Variants in ZNRF2 observed in about 807,000 individuals in gnomAD.
ZNRF2 encodes the protein E3 ubiquitin-protein ligase ZNRF2.
A neutral mutation model predicts 20.4 loss-of-function variants in ZNRF2; 16 were observed. The observed-to-expected ratio is 0.79, with a 90% CI of 0.53 to 1.19. ZNRF2 has a LOEUF of 1.19. Ranked by LOEUF, ZNRF2 falls within the 50% of genes most tolerant of loss-of-function variation. The pLI is 0.00. For missense variants in ZNRF2, 363 were observed against 332.4 expected (o/e 1.09, Z -0.72); for synonymous variants, 178 against 144.9 (o/e 1.23, Z -1.64).
chr7:30,305,547 C>T (rs972134747), intron 1 of ZNRF2, among the ~76,000 whole-genome samples: 1 of 151,902 alleles, frequency 6.6e-6, no homozygotes, highest in African/African-American at 2.4e-5. Context: ...AACAAATAAC[C>T]ACCCAGAATT....
Position 30,355,737 on chromosome 7 carries a change from T to G in ZNRF2, c.575T>G (p.Leu192Arg). 1 of 1,612,410 alleles carries G rather than the reference T, an allele frequency of 6.2e-7. No homozygotes were observed. Among genetic ancestry groups the G allele is most frequent in the Non-Finnish European group, 8.5e-7 (1 of 1,178,788 alleles). The change falls in exon 3 of 5, where the codon CTG becomes CGG. Residue 192 changes from leucine (L) to arginine (R), a missense_variant. Coordinates refer to ENST00000323037, the MANE Select transcript of ZNRF2 (RefSeq NM_147128.4). ...TTTTCTCTTTCTTCAGAGGATGTAC[T>G]GAGTAAAGATGCTGGGGAATGTGCA... Reference protein sequence around the residue: ...KPRITYNEDVLSKDAGECAIC... With the variant: ...KPRITYNEDVRSKDAGECAIC...
chr7:30,328,868 A>G (rs1229937337), intron 2 of ZNRF2, among the ~76,000 whole-genome samples: 1 of 152,158 alleles, frequency 6.6e-6, no homozygotes, highest in Non-Finnish European at 1.5e-5. Flanking sequence ...GGTATTATCT[A>G]TTGCAGATGG....
In ZNRF2 at chr7:30,290,834, G is replaced by T. The variant is rs537387590; in HGVS notation, c.469+5008G>T. Reference sequence around the variant, plus strand: ...TTAAAAAGTTGTACTAATGCATATGGTTAAGTATAGCATTAATAAACATGA... The same window carrying T: ...TTAAAAAGTTGTACTAATGCATATGTTTAAGTATAGCATTAATAAACATGA... On this transcript the variant is annotated intron_variant, in intron 1 of 4. Coordinates refer to ENST00000323037, the MANE Select transcript of ZNRF2 (RefSeq NM_147128.4). Among the ~76,000 whole-genome samples the T allele has an allele frequency of 5.3e-5, 8 of 152,294 alleles. No individual in the cohort carries two copies. The East Asian group carries it at 1.5e-3, about 29-fold the overall frequency.
At chr7:30,305,429 G>A (rs1343714129) in intron 1 of ZNRF2, among the ~76,000 whole-genome samples, 1 of 151,962 alleles carries the variant, frequency 6.6e-6, no homozygotes, top group East Asian at 1.9e-4. Flanking sequence ...GGGAGATATG[G>A]CTTATTTTAT....
At chr7:30,297,071 C>T (rs1211777263) in intron 1 of ZNRF2, among the ~76,000 whole-genome samples, 1 of 152,160 alleles carries the variant, frequency 6.6e-6, no homozygotes, top group Non-Finnish European at 1.5e-5. Context: ...TCACACTTGG[C>T]TGCTTTTCTT....
intron 2 of ZNRF2, among the ~76,000 whole-genome samples, chr7:30,343,458 C>T (rs1799828342): frequency 6.6e-6 from 1 of 151,872 alleles, no homozygotes; most frequent in African/African-American, 2.4e-5. Context: ...TTAAGGTGTG[C>T]TACTACTCAT....
At chr7:30,344,542 T>A (rs1325723972) in intron 2 of ZNRF2, among the ~76,000 whole-genome samples, 1 of 152,164 alleles carries the variant, frequency 6.6e-6, no homozygotes, top group African/African-American at 2.4e-5. Flanking sequence ...TAATACTTTT[T>A]GACACCTAGT....
chr7:30,342,590 C>G (rs1430349651), intron 2 of ZNRF2, among the ~76,000 whole-genome samples: 1 of 152,112 alleles, frequency 6.6e-6, no homozygotes, highest in Non-Finnish European at 1.5e-5. Context: ...CAGAGAGATC[C>G]ATTGTTAGTC....
In ZNRF2 at chr7:30,285,570, C is replaced by T; in HGVS notation, c.213C>T (p.Ala71=). ...GCGGCGCCGCGGCGGCCGCGGCGGC[C>T]CCGGCAGCCCCGGCGGCCCCGCGCA... The part of the protein sequence containing the change: ...ASGGAAAAAA[A]PAAPAAPRSR... Residue 71 remains alanine, a synonymous_variant, in exon 1 of 5, where the codon GCC becomes GCT. Transcript: ENST00000323037. The T allele has an allele frequency of 1.0e-6, 1 of 984,372 alleles. No homozygotes were observed. Among genetic ancestry groups the T allele is most frequent in the African/African-American group, 1.8e-5 (1 of 55,976 alleles). The allele number at this position is 984,372 out of a possible 1,614,324, so 61.0% of individuals were successfully genotyped here.
chr7:30,325,564 A>G (rs1799539011), intron 2 of ZNRF2, among the ~76,000 whole-genome samples: 1 of 152,328 alleles, frequency 6.6e-6, no homozygotes, highest in Non-Finnish European at 1.5e-5. Flanking sequence ...TGGGAGGGGT[A>G]GAATTTAACA....
At chr7:30,327,611 T>A (rs1397005487) in intron 2 of ZNRF2, among the ~76,000 whole-genome samples, 1 of 152,060 alleles carries the variant, frequency 6.6e-6, no homozygotes, top group African/African-American at 2.4e-5. Flanking sequence ...ATCTAGAAAT[T>A]AATAAATTTC....
chr7:30,362,807 C>G (rs1425069321), intron 4 of ZNRF2, among the ~76,000 whole-genome samples: 1 of 151,764 alleles, frequency 6.6e-6, no homozygotes, highest in African/African-American at 2.4e-5. Flanking sequence ...CCGAGCTACT[C>G]GGGAGGCTGA....
At chr7:30,311,291 A>G (rs1799288934) in intron 1 of ZNRF2, among the ~76,000 whole-genome samples, 1 of 152,152 alleles carries the variant, frequency 6.6e-6, no homozygotes. Flanking sequence ...AACTTTTAAG[A>G]TAGATAGTAA....
chr7:30,317,578 T>C (rs768061436), intron 1 of ZNRF2, among the ~76,000 whole-genome samples: 2 of 152,194 alleles, frequency 1.3e-5, no homozygotes, highest in Non-Finnish European at 2.9e-5. Context: ...ACCAAATTTG[T>C]ATTAGGCTCA....
chr7:30,320,828 C>T (rs1799458770), intron 1 of ZNRF2, among the ~76,000 whole-genome samples: 2 of 152,094 alleles, frequency 1.3e-5, no homozygotes, highest in South Asian at 4.1e-4. Flanking sequence ...TTGGAATTTG[C>T]TTCTGATGTG....
At chr7:30,285,924 G>A in intron 1 of ZNRF2, 98 bp downstream of exon 1, 1 of 1,324,816 alleles carries the variant, frequency 7.5e-7, no homozygotes. Context: ...TTCTCCTTCT[G>A]CCGGGGCGCC....
intron 2 of ZNRF2, among the ~76,000 whole-genome samples, chr7:30,334,355 G>T (rs899390452): frequency 6.6e-6 from 1 of 152,036 alleles, no homozygotes; most frequent in Admixed American, 6.6e-5. Flanking sequence ...TGGTCTTTGT[G>T]TCTATTTTTG....
chr7:30,340,832 G>T (rs1209996066), intron 2 of ZNRF2, among the ~76,000 whole-genome samples: 1 of 152,106 alleles, frequency 6.6e-6, no homozygotes, highest in Non-Finnish European at 1.5e-5. Flanking sequence ...GCTCCTCTTT[G>T]TACCTCCGGT....
intron 1 of ZNRF2, among the ~76,000 whole-genome samples, chr7:30,308,044 A>G (rs545583780): frequency 1.1e-4 from 17 of 152,282 alleles, no homozygotes; most frequent in African/African-American, 4.1e-4. Context: ...TTTCCTGATA[A>G]TGAAGCCCTT....
Sources: allele counts gnomAD v4.1 joint callset (sites outside exome capture counted in the v4.1 genomes callset), GRCh38; gene constraint gnomAD v4.1.1; transcripts MANE v1.5; gene names NCBI Gene and HGNC (gene_info 2026-07-23, HGNC 2026-07-21).